Variants in PIEZO2 observed in about 807,000 individuals in gnomAD.
PIEZO2 encodes piezo type mechanosensitive ion channel component 2.
PIEZO2 carries 172 observed loss-of-function variants against 337.3 expected under a neutral mutation model. That is an observed-to-expected ratio of 0.51 (90% confidence interval 0.45 to 0.58). The LOEUF (loss-of-function observed/expected upper bound fraction) is 0.58. Among genes scored for constraint, PIEZO2 ranks in the 20% least tolerant of loss-of-function variants. The pLI is 0.00. For synonymous variants in PIEZO2, 1,251 were observed against 1,228.5 expected, an observed-to-expected ratio of 1.02 and a Z score of -0.38; for missense variants, 3,028 against 3,391.3, an observed-to-expected ratio of 0.89 and a Z score of 2.66.
Position 10,803,890 on chromosome 18 carries a change from GGGGTAAT to G in PIEZO2, c.1178_1184del (p.His393ProfsTer10). ...CATGGCTTACTTTTCTCTCATCAGT[GGGGTAAT>G]GGGTTGCGTACCACAGGCTCCGCCT... On this transcript the variant is annotated frameshift_variant, in exon 9 of 56. Transcript: ENST00000674853. LOFTEE classifies it high-confidence loss of function. 2 of 1,537,210 alleles carry G rather than the reference GGGGTAAT, an allele frequency of 1.3e-6. No individual in the cohort carries two copies. Among genetic ancestry groups the G allele is most frequent in the African/African-American group, 2.7e-5 (2 of 73,162 alleles).
rs576275180 is a variant in PIEZO2, at chr18:10,859,768, C to T, written c.493-2557G>A. Among the ~76,000 whole-genome samples the T allele has an allele frequency of 2.0e-5, 3 of 152,306 alleles. No individual in the cohort carries two copies. The highest frequency in any genetic ancestry group is 6.5e-5 in the Admixed American group (1 of 15,312). ...AGACTTTGATCTTCAACCACTCCGT[C>T]TAATGAGAGGCACACATGATTTGCT... On this transcript the variant is annotated intron_variant, in intron 5 of 55. Coordinates refer to ENST00000674853, the MANE Select transcript of PIEZO2 (RefSeq NM_001378183.1). This position sits in a 1 kb window ranked among gnomAD's most constrained non-coding sequence, Gnocchi z 4.9.
intron 4 of PIEZO2, among the ~76,000 whole-genome samples, chr18:10,897,670 T>TTC (rs749200947): frequency 2.6e-5 from 4 of 152,198 alleles, no homozygotes; most frequent in Non-Finnish European, 4.4e-5. Flanking sequence ...GGGTATGTCT[T>TTC]TATCAGCAGC....
Position 10,894,402 on chromosome 18 carries a change from T to A in PIEZO2, c.329+16784A>T, listed in dbSNP as rs2042839206. 1 of 152,034 alleles carries A rather than the reference T, an allele frequency of 6.6e-6. No individual in the cohort carries two copies. Among genetic ancestry groups the A allele is most frequent in the South Asian group, 2.1e-4 (1 of 4,804 alleles). The allele number at this position is 152,034 out of a possible 1,614,324, so 9.4% of individuals were successfully genotyped here. A position where few individuals can be genotyped will look rare whatever the true frequency, so the allele number is the denominator to read the frequency against. On this transcript the variant is annotated intron_variant, in intron 4 of 55. Transcript: ENST00000674853. This position sits in a 1 kb window ranked among gnomAD's most constrained non-coding sequence, Gnocchi z 4.1. ...TCGGAAGGCGGAGCTGGCAGTGAGC[T>A]GAGATCACCCCACTTAACTCCAGCC...
rs1480333640 is a variant in PIEZO2 at position 10,856,816 on chromosome 18, A to G, written c.703+185T>C. Reference sequence around the variant, plus strand: ...GAAACCATCTAAAAACATCAAAACTAGAACTAACCCGGAAAAATTATTTTG... The same window carrying G: ...GAAACCATCTAAAAACATCAAAACTGGAACTAACCCGGAAAAATTATTTTG... On this transcript the variant is annotated intron_variant, in intron 6 of 55. Coordinates refer to ENST00000674853, the MANE Select transcript of PIEZO2 (RefSeq NM_001378183.1). The surrounding 1 kb of genome is among the most constrained non-coding windows in gnomAD (Gnocchi z 4.7). 1.5e-4 allele frequency among the ~76,000 whole-genome samples: 23 copies of G among 152,202 alleles called. 1 individual carries two copies.
rs1004001186 is a variant in PIEZO2 at position 10,952,558 on chromosome 18, G to T, written c.286+26977C>A. ...TACCCATAGTTTGTTGCTTTCTATT[G>T]TTGACCTGTGTAGTCCATCCAGGGA... On this transcript the variant is annotated intron_variant, in intron 3 of 55. Transcript: ENST00000674853. The surrounding 1 kb of genome is among the most constrained non-coding windows in gnomAD (Gnocchi z 4.1). Among the ~76,000 whole-genome samples, 1 of 152,142 alleles carries T rather than the reference G, an allele frequency of 6.6e-6. No individual in the cohort carries two copies. The highest frequency in any genetic ancestry group is 2.4e-5 in the African/African-American group (1 of 41,440).
rs10713073 is a variant in PIEZO2 at position 11,126,791 on chromosome 18, ATT to A, written c.64+21732_64+21733del. Among the ~76,000 whole-genome samples, 225 of 151,606 alleles carry A rather than the reference ATT, an allele frequency of 1.5e-3. 1 individual carries two copies. The highest frequency in any genetic ancestry group is 4.8e-3 in the African/African-American group (199 of 41,314). On this transcript the variant is annotated intron_variant, in intron 1 of 55. Coordinates refer to ENST00000674853, the MANE Select transcript of PIEZO2 (RefSeq NM_001378183.1). This position sits in a 1 kb window ranked among gnomAD's most constrained non-coding sequence, Gnocchi z 4.6. Reference sequence around the variant, plus strand: ...TACACAGTACCTTAAGTACATTACTATTTTTTTTTTAAAGCCCCAGTGACCCT... The same window carrying A: ...TACACAGTACCTTAAGTACATTACTATTTTTTTTAAAGCCCCAGTGACCCT...
Position 10,704,645 on chromosome 18 carries a change from G to C in PIEZO2, c.6007C>G (p.His2003Asp). Residue 2003 changes from histidine to aspartate, a missense_variant, in exon 42 of 56, where the codon CAC (histidine) becomes GAC (aspartate). This residue lies in a region of PIEZO2 where 1,925 missense variants were observed against 2,051.9 expected (regional missense o/e 0.94). Transcript: ENST00000674853. ...ASELLLKKMF[H>D]DDELEESEKF... ...TCTGACTCTTCAAGCTCATCGTCGTGAAACATCCTGTTAAAGCAAACCACA... is the reference window on the plus strand; with the variant it reads ...TCTGACTCTTCAAGCTCATCGTCGTCAAACATCCTGTTAAAGCAAACCACA... 1 of 1,536,210 alleles carries C rather than the reference G, an allele frequency of 6.5e-7. No individual in the cohort carries two copies. Among genetic ancestry groups the C allele is most frequent in the Non-Finnish European group, 8.7e-7 (1 of 1,146,040 alleles).
chr18:10,810,265 G>T (rs1488859055), intron 7 of PIEZO2, among the ~76,000 whole-genome samples: 2 of 152,058 alleles, frequency 1.3e-5, no homozygotes, highest in African/African-American at 4.8e-5. Context: ...GCTGAAGATA[G>T]GTCCCCAAGA....
At chr18:10,875,164 A>G (rs972225553) in intron 4 of PIEZO2, among the ~76,000 whole-genome samples, 1 of 152,200 alleles carries the variant, frequency 6.6e-6, no homozygotes, top group Non-Finnish European at 1.5e-5. Flanking sequence ...AATCGCCTCT[A>G]AACTCTTACC....
chr18:10,954,378 GT>G lies in PIEZO2; in HGVS notation c.286+25156del, dbSNP rs1344372007. Among the ~76,000 whole-genome samples the G allele has an allele frequency of 6.6e-6, 1 of 152,078 alleles. No individual in the cohort carries two copies. The highest frequency in any genetic ancestry group is 1.5e-5 in the Non-Finnish European group (1 of 68,000). ...TTCTGCAGCATATGGGTCTTGCATTGTTTTTAGATTTATATCAAAGTATTTT... is the reference window on the plus strand; with the variant it reads ...TTCTGCAGCATATGGGTCTTGCATTGTTTTAGATTTATATCAAAGTATTTT... On this transcript the variant is annotated intron_variant, in intron 3 of 55. Coordinates refer to ENST00000674853, the MANE Select transcript of PIEZO2 (RefSeq NM_001378183.1). This position sits in a 1 kb window ranked among gnomAD's most constrained non-coding sequence, Gnocchi z 4.2.
chr18:11,103,320 C>T (rs2039472612), intron 1 of PIEZO2, among the ~76,000 whole-genome samples: 1 of 152,162 alleles, frequency 6.6e-6, no homozygotes, highest in Non-Finnish European at 1.5e-5. Flanking sequence ...AGGTGATCTG[C>T]TTGCCTTGAC....
At chr18:11,050,446 T>C (rs2145846865) in intron 2 of PIEZO2, among the ~76,000 whole-genome samples, 1 of 152,190 alleles carries the variant, frequency 6.6e-6, no homozygotes, top group South Asian at 2.1e-4. Context: ...CGTTTTTCTT[T>C]TCTGAGGGGC....
intron 3 of PIEZO2, among the ~76,000 whole-genome samples, chr18:10,923,448 A>G (rs756550443): frequency 2.0e-5 from 3 of 152,276 alleles, no homozygotes; most frequent in East Asian, 3.9e-4. Flanking sequence ...CAGCATTCCA[A>G]TGAAGCAAGA....
At chr18:10,997,536 T>C (rs2035370616) in intron 2 of PIEZO2, among the ~76,000 whole-genome samples, 1 of 152,046 alleles carries the variant, frequency 6.6e-6, no homozygotes, top group Non-Finnish European at 1.5e-5. Context: ...GAAATAAATA[T>C]AAAGATAAAC....
In PIEZO2 at chr18:10,729,110, C is replaced by T. The variant is rs753184943; in HGVS notation, c.5029+2297G>A. On this transcript the variant is annotated intron_variant, in intron 36 of 55. Transcript: ENST00000674853. ...GGTGACTGGGTTGGGGCAGATTATACGTGTACCTCTTTACTGTTTGACCTG... is the reference window on the plus strand; with the variant it reads ...GGTGACTGGGTTGGGGCAGATTATATGTGTACCTCTTTACTGTTTGACCTG... Among the ~76,000 whole-genome samples, 5 of 152,082 alleles carry T rather than the reference C, an allele frequency of 3.3e-5. 1 individual carries two copies. Among genetic ancestry groups the T allele is most frequent in the East Asian group, 3.9e-4 (2 of 5,190 alleles).
At chr18:11,037,409 A>G (rs933558622) in intron 2 of PIEZO2, among the ~76,000 whole-genome samples, 3 of 152,232 alleles carry the variant, frequency 2.0e-5, no homozygotes, top group African/African-American at 7.2e-5. Context: ...AAGCTAAACT[A>G]AAAAATAATT....
chr18:10,672,297 C>T lies in PIEZO2; in HGVS notation c.8345+393G>A, dbSNP rs918555632. Among the ~76,000 whole-genome samples the T allele has an allele frequency of 1.3e-5, 2 of 152,186 alleles. No homozygotes were observed. Among genetic ancestry groups the T allele is most frequent in the East Asian group, 1.9e-4 (1 of 5,176 alleles). ...GGATGTGCGTGTCCTAGGATTTAAG[C>T]ATCAGAACATGATGCGATGTTTCAG... On this transcript the variant is annotated intron_variant, in intron 55 of 55. Transcript: ENST00000674853. This position sits in a 1 kb window ranked among gnomAD's most constrained non-coding sequence, Gnocchi z 4.7.
intron 1 of PIEZO2, among the ~76,000 whole-genome samples, chr18:11,100,995 TAACTC>T (rs1249159241): frequency 2.0e-5 from 3 of 152,146 alleles, no homozygotes; most frequent in East Asian, 1.9e-4. Flanking sequence ...GGGTCATAGT[TAACTC>T]AAGGAATTCA....
intron 48 of PIEZO2, among the ~76,000 whole-genome samples, 166 bp downstream of exon 48, chr18:10,691,059 G>C (rs540978345): frequency 2.0e-5 from 3 of 152,168 alleles, no homozygotes; most frequent in Non-Finnish European, 4.4e-5. Context: ...ACATAGAAAG[G>C]TGTTTAAAGA....
Sources: allele counts gnomAD v4.1 joint callset (sites outside exome capture counted in the v4.1 genomes callset), GRCh38; gene constraint gnomAD v4.1.1; regional missense constraint gnomAD v4.1.1; non-coding constraint Gnocchi (gnomAD v3.1); transcripts MANE v1.5; gene names NCBI Gene and HGNC (gene_info 2026-07-23, HGNC 2026-07-21).